Variants in PTX4 observed in about 807,000 individuals in gnomAD.
The protein encoded by PTX4 is pentraxin-4.
In PTX4, 23 loss-of-function variants were observed where a neutral mutation model predicts 19.1. The ratio of observed to expected loss-of-function variants is 1.20; its 90% CI spans 0.87 to 1.70. The LOEUF (loss-of-function observed/expected upper bound fraction) is 1.70. Among genes scored for constraint, PTX4 ranks in the 40% most tolerant of loss-of-function variants. The probability of loss-of-function intolerance (pLI) is 0.00; values close to 1 mark genes in which losing one functional copy is unlikely to be tolerated. For synonymous variants in PTX4, 317 were observed against 279.6 expected (o/e 1.13, Z -1.33); for missense variants, 678 against 610.5 (o/e 1.11, Z -1.17).
rs779667039 is a variant in PTX4 at position 1,488,784 on chromosome 16, A to G, written c.126T>C (p.Arg42=). ...GPRKPFFERL[R]RLEEQFRRFQ... ...TATAACTTGCCTGTTCCTCCAGCCT[A>G]CGGAGCCTCTCGAAAAACGGTTTCC... Residue 42 remains arginine, a synonymous_variant, in exon 1 of 3, where the codon CGT becomes CGC. Transcript: ENST00000447419. The G allele has an allele frequency of 2.0e-4, 143 of 701,690 alleles. No individual in the cohort carries two copies. The highest frequency in any genetic ancestry group is 4.6e-4 in the Middle Eastern group (2 of 4,380). 43.5% of individuals were successfully genotyped at this position (701,690 alleles called of 1,614,324 possible). A position where few individuals can be genotyped will look rare whatever the true frequency, so the allele number is the denominator to read the frequency against.
intron 2 of PTX4, among the ~76,000 whole-genome samples, chr16:1,486,931 TTC>T (rs2039251330): frequency 6.6e-6 from 1 of 152,188 alleles, no homozygotes; most frequent in East Asian, 1.9e-4. Context: ...TGTTTCACAT[TTC>T]TGGCGGTCAC....
At chr16:1,486,992 G>C (rs2039251783) in intron 2 of PTX4, among the ~76,000 whole-genome samples, 2 of 152,222 alleles carry the variant, frequency 1.3e-5, no homozygotes, top group Admixed American at 6.5e-5. Context: ...GACAGGGCTG[G>C]TTCCTCTGGA....
chr16:1,486,673 C>T (rs1029363496), intron 2 of PTX4, 94 bp from the exon 3 acceptor site: 26 of 1,316,510 alleles, frequency 2.0e-5, no homozygotes, highest in African/African-American at 7.4e-5. Context: ...CTCCCACTCC[C>T]GGCTGCCACC....
chr16:1,487,893 G>A lies in PTX4; in HGVS notation c.219C>T (p.Asp73=), dbSNP rs768320520. 23 of 1,612,684 alleles carry A rather than the reference G, an allele frequency of 1.4e-5. No individual in the cohort carries two copies. The highest frequency in any genetic ancestry group is 1.9e-5 in the Non-Finnish European group (22 of 1,179,848). Residue 73 remains aspartate, a synonymous_variant, in exon 2 of 3, where the codon GAC becomes GAT. Transcript: ENST00000447419. ...ASNYNVSYNV[D]VRFRSLAEES... ...CTTCCGCCAGGCTCCGGAACCGGACGTCAACGTTGTAGGACACGTTGTAGT... is the reference window on the plus strand; with the variant it reads ...CTTCCGCCAGGCTCCGGAACCGGACATCAACGTTGTAGGACACGTTGTAGT...
At chr16:1,486,683 C>G in intron 2 of PTX4, 104 bp from the exon 3 acceptor site, 4 of 1,226,236 alleles carry the variant, frequency 3.3e-6, no homozygotes, top group Non-Finnish European at 2.2e-6. Context: ...CGGCTGCCAC[C>G]CTTCACGGAG....
rs750766435 is a variant in PTX4, at chr16:1,486,392, G to T, written c.984C>A (p.His328Gln). 3 of 1,613,956 alleles carry T rather than the reference G, an allele frequency of 1.9e-6. No individual in the cohort carries two copies. Among genetic ancestry groups the T allele is most frequent in the Non-Finnish European group, 2.5e-6 (3 of 1,179,950 alleles). ...ATCCGGGCAGCAGGGAGTCTCGGCC[G>T]TGCAGCACCAGCTTGTTGTCATTGT... ...TEDNDNKLVL[H>Q]GRDSLLPGSI... Residue 328 changes from histidine (H) to glutamine (Q), a missense_variant, in exon 3 of 3, where the codon CAC (histidine) becomes CAA (glutamine). Transcript: ENST00000447419.
In PTX4 at chr16:1,487,668, G is replaced by A. The variant is rs142598108; in HGVS notation, c.444C>T (p.Asp148=). The change falls in exon 2 of 3, where the codon GAC becomes GAT. Residue 148 remains aspartate, a synonymous_variant. Coordinates refer to ENST00000447419, the MANE Select transcript of PTX4 (RefSeq NM_001328608.2). The part of the protein sequence containing the change: ...RERKAHKAQR[D]ALQDSLARLE... ...GGCGTGCCAGTGAGTCCTGCAGGGC[G>A]TCCCTCTGGGCCTTGTGTGCCTTCC... 1.6e-4 allele frequency: 263 copies of A among 1,602,014 alleles called. No individual in the cohort carries two copies. In the African/African-American group the frequency reaches 2.9e-3, roughly 18 times the overall value.
Position 1,486,368 on chromosome 16 carries a change from T to G in PTX4, c.1008A>C (p.Gly336=), listed in dbSNP as rs748345495. The change falls in exon 3 of 3, where the codon GGA becomes GGC. Residue 336 remains glycine, a synonymous_variant. Coordinates refer to ENST00000447419, the MANE Select transcript of PTX4 (RefSeq NM_001328608.2). The part of the protein sequence containing the change: ...VLHGRDSLLP[G]SIHFVIGDPA... The stretch of plus-strand genomic sequence containing the variant: ...GGTCCCCGATCACGAAGTGGATGGA[T>G]CCGGGCAGCAGGGAGTCTCGGCCGT... 3.7e-6 allele frequency: 6 copies of G among 1,613,742 alleles called. No homozygotes were observed. Among genetic ancestry groups the G allele is most frequent in the Non-Finnish European group, 5.1e-6 (6 of 1,179,946 alleles).
Position 1,487,846 on chromosome 16 carries a change from G to C in PTX4, c.266C>G (p.Ala89Gly), listed in dbSNP as rs1446039904. The C allele has an allele frequency of 3.1e-6, 5 of 1,613,150 alleles. No individual in the cohort carries two copies. The Admixed American group carries it at 8.3e-5, about 27-fold the overall frequency. ...LAEESQAVAQAVNRSQASVQG... is the reference protein window; with the variant it reads ...LAEESQAVAQGVNRSQASVQG... ...CACCGAGGCCTGTGACCGGTTGACT[G>C]CCTGAGCCACAGCCTGGCTCTCTTC... Residue 89 changes from alanine to glycine, a missense_variant, in exon 2 of 3, where the codon GCA becomes GGA. Coordinates refer to ENST00000447419, the MANE Select transcript of PTX4 (RefSeq NM_001328608.2).
At position 1,487,580 on chromosome 16, in the gene PTX4, C is replaced by A; in HGVS notation, c.532G>T (p.Ala178Ser). The change falls in exon 2 of 3, where the codon GCC (alanine) becomes TCC (serine). Residue 178 changes from alanine (A) to serine (S), a missense_variant. Coordinates refer to ENST00000447419, the MANE Select transcript of PTX4 (RefSeq NM_001328608.2). ...LAALEGRLPV[A>S]HPGTAALGPA... ...CCGAGGGCTGCAGTGCCAGGGTGGG[C>A]CACGGGCAGCCGCCCCTCCAGAGCA... 6.4e-7 allele frequency: 1 copy of A among 1,551,198 alleles called. No homozygotes were observed. Among genetic ancestry groups the A allele is most frequent in the Admixed American group, 1.9e-5 (1 of 52,606 alleles).
chr16:1,488,324 G>T (rs1294439714), intron 1 of PTX4: 1 of 1,610,594 alleles, frequency 6.2e-7, no homozygotes, highest in Admixed American at 1.7e-5. Context: ...TGCTTTACGA[G>T]GCCCAAACAG....
In PTX4 at chr16:1,485,996, T is replaced by A. The variant is rs76993355; in HGVS notation, c.1380A>T (p.Ala460=). Residue 460 remains alanine (A), a synonymous_variant, in exon 3 of 3, where the codon GCA becomes GCT. Transcript: ENST00000447419. ...CCCCCTGCACAAATCCGCCTGCTAG[T>A]GCAGCATTGGCCAGCGTCAGGATGG... ...TGAILTLANA[A]LAGGFVQGAN... is the part of the protein sequence containing the mutation. 717 of 1,613,362 alleles carry A rather than the reference T, an allele frequency of 4.4e-4. 1 individual carries two copies. The African/African-American group carries it at 8.5e-3, about 19-fold the overall frequency.
rs145442325 is a variant in PTX4, at chr16:1,486,003, T to C, written c.1373A>G (p.Asn458Ser). 59 of 1,613,668 alleles carry C rather than the reference T, an allele frequency of 3.7e-5. No homozygotes were observed. The African/African-American group carries it at 5.1e-4, about 14-fold the overall frequency. The part of the protein sequence containing the change: ...FPTGAILTLA[N>S]AALAGGFVQG... ...CACAAATCCGCCTGCTAGTGCAGCA[T>C]TGGCCAGCGTCAGGATGGCACCTGT... Residue 458 changes from asparagine to serine, a missense_variant, in exon 3 of 3, where the codon AAT becomes AGT. Physicochemically the swap from Asn to Ser is conservative, Grantham distance 46. Coordinates refer to ENST00000447419, the MANE Select transcript of PTX4 (RefSeq NM_001328608.2).
intron 2 of PTX4, 77 bp from the exon 3 acceptor site, chr16:1,486,656 G>A: frequency 6.9e-7 from 1 of 1,441,350 alleles, no homozygotes. Context: ...TGCTGTGGGT[G>A]CCTGGCCTCC....
At position 1,488,449 on chromosome 16, in the gene PTX4, C is replaced by T. The variant is rs745663189; in HGVS notation, c.141+320G>A. 3 of 1,613,656 alleles carry T rather than the reference C, an allele frequency of 1.9e-6. No homozygotes were observed. In the South Asian group the frequency reaches 3.3e-5, roughly 18 times the overall value. Reference sequence around the variant, plus strand: ...CTGCCACAAGGTGGACCTGTGACCTCCCAGTTTCCACTCCCCATGACACTA... The same window carrying T: ...CTGCCACAAGGTGGACCTGTGACCTTCCAGTTTCCACTCCCCATGACACTA... On this transcript the variant is annotated intron_variant, in intron 1 of 2. Coordinates refer to ENST00000447419, the MANE Select transcript of PTX4 (RefSeq NM_001328608.2).
At chr16:1,486,885 C>T (rs1159853089) in intron 2 of PTX4, among the ~76,000 whole-genome samples, 1 of 152,228 alleles carries the variant, frequency 6.6e-6, no homozygotes, top group East Asian at 1.9e-4. Context: ...CAGGGAGTCT[C>T]TGCAAATTTC....
chr16:1,487,210 C>T (rs1259547200), intron 2 of PTX4, 106 bp downstream of exon 2: 4 of 1,136,730 alleles, frequency 3.5e-6, no homozygotes, highest in African/African-American at 3.2e-5. Context: ...CTCCCCATCT[C>T]CCGGCCCCTA....
chr16:1,487,316 T>C lies in PTX4; in HGVS notation c.796A>G (p.Ile266Val), dbSNP rs2039254568. The change falls in exon 2 of 3, where the codon ATT becomes GTT. Residue 266 changes from isoleucine (I) to valine (V), a missense_variant and splice_region_variant. Ile to Val is a conservative substitution (Grantham distance 29). Coordinates refer to ENST00000447419, the MANE Select transcript of PTX4 (RefSeq NM_001328608.2). ...QAWSPQVPGEICGVGPTLVFP... is the reference protein window; with the variant it reads ...QAWSPQVPGEVCGVGPTLVFP... The stretch of plus-strand genomic sequence containing the variant: ...TGAGCTGGGAGCCTGTGGTACTTAC[T>C]CTCTCCTGGCACCTGGGGGGACCAT... 4 of 1,534,138 alleles carry C rather than the reference T, an allele frequency of 2.6e-6. No homozygotes were observed. Among genetic ancestry groups the C allele is most frequent in the Non-Finnish European group, 3.5e-6 (4 of 1,147,068 alleles).
In PTX4 at chr16:1,487,825, G is replaced by C. The variant is rs146039496; in HGVS notation, c.287C>G (p.Ser96Trp). 5 of 1,613,154 alleles carry C rather than the reference G, an allele frequency of 3.1e-6. No individual in the cohort carries two copies. The South Asian group carries it at 5.5e-5, about 18-fold the overall frequency. ...VAQAVNRSQA[S>W]VQGELAQLKA... Reference sequence around the variant, plus strand: ...GAGCTGCGCCAGCTCCCCCTGCACCGAGGCCTGTGACCGGTTGACTGCCTG... The same window carrying C: ...GAGCTGCGCCAGCTCCCCCTGCACCCAGGCCTGTGACCGGTTGACTGCCTG... Residue 96 changes from serine to tryptophan, a missense_variant, in exon 2 of 3, where the codon TCG becomes TGG. Physicochemically the swap from Ser to Trp is radical, Grantham distance 177. Transcript: ENST00000447419.
Sources: gnomAD v4.1 joint callset for allele counts (sites outside exome capture counted in the v4.1 genomes callset) on GRCh38, gnomAD v4.1.1 for gene constraint, MANE v1.5 for transcripts, NCBI Gene and HGNC (gene_info 2026-07-23, HGNC 2026-07-21) for gene names.